Variants in PKHD1 observed in about 807,000 individuals in gnomAD.
PKHD1 encodes the protein PKHD1 ciliary IPT domain containing fibrocystin/polyductin.
A neutral mutation model predicts 412.0 loss-of-function variants in PKHD1; 291 were observed. The observed-to-expected ratio is 0.71, with a 90% CI of 0.64 to 0.78. The LOEUF (loss-of-function observed/expected upper bound fraction) is 0.78. PKHD1 is among the 30% of genes least tolerant of loss of function. PKHD1 has a pLI of 0.00. For missense variants in PKHD1, 4,825 were observed against 4,950.7 expected (o/e 0.97, Z 0.76); for synonymous variants, 1,777 against 1,821.5 (o/e 0.98, Z 0.62).
chr6:51,943,497 G>A lies in PKHD1; in HGVS notation c.5909-9175C>T, dbSNP rs373680796. ...ATGCCCTGCTCTTGTTTACACTGCCGGTTTACACTGTTTCTCCAAGCCATC... is the reference window on the plus strand; with the variant it reads ...ATGCCCTGCTCTTGTTTACACTGCCAGTTTACACTGTTTCTCCAAGCCATC... On this transcript the variant is annotated intron_variant, in intron 36 of 66. Transcript: ENST00000371117. Among the ~76,000 whole-genome samples, 109 of 151,266 alleles carry A rather than the reference G, an allele frequency of 7.2e-4. 2 individuals are homozygous for A. Among genetic ancestry groups the A allele is most frequent in the African/African-American group, 2.4e-3 (101 of 41,358 alleles).
intron 35 of PKHD1, among the ~76,000 whole-genome samples, chr6:52,004,859 AT>A (rs1476503203): frequency 6.6e-6 from 1 of 152,164 alleles, no homozygotes; most frequent in Non-Finnish European, 1.5e-5. Flanking sequence ...CTTAGAGGCT[AT>A]GTTCACTTCA....
At chr6:51,727,080 T>A (rs1782669923) in intron 60 of PKHD1, among the ~76,000 whole-genome samples, 1 of 152,186 alleles carries the variant, frequency 6.6e-6, no homozygotes, top group Non-Finnish European at 1.5e-5. Context: ...AGTCAGGGAA[T>A]GCAGGCAGCC....
chr6:51,868,540 G>T (rs1403014217), intron 47 of PKHD1, among the ~76,000 whole-genome samples: 1 of 152,062 alleles, frequency 6.6e-6, no homozygotes, highest in African/African-American at 2.4e-5. Flanking sequence ...CCACAACAAA[G>T]AATTATCTCA....
At chr6:51,632,478 G>A in intron 65 of PKHD1, 87 bp downstream of exon 65, 1 of 1,159,266 alleles carries the variant, frequency 8.6e-7, no homozygotes, top group Non-Finnish European at 1.2e-6. Flanking sequence ...TTTGTCTTTG[G>A]GGAAAGAAAC....
chr6:52,080,129 C>T (rs564329987), intron 4 of PKHD1, 121 bp from the exon 5 acceptor site: 2 of 711,700 alleles, frequency 2.8e-6, no homozygotes, highest in East Asian at 5.3e-5. Flanking sequence ...CAAGGATTCC[C>T]AGCAGTCACC....
At chr6:51,756,120 G>C (rs58773465) in intron 55 of PKHD1, among the ~76,000 whole-genome samples, 2 of 152,000 alleles carry the variant, frequency 1.3e-5, no homozygotes, top group Non-Finnish European at 2.9e-5. Flanking sequence ...TCACATCTAC[G>C]TACCTAAGGT....
At chr6:52,012,406 CTGTTGCTCAAATT>C (rs1378933130) in intron 34 of PKHD1, among the ~76,000 whole-genome samples, 2 of 152,156 alleles carry the variant, frequency 1.3e-5, no homozygotes, top group African/African-American at 4.8e-5. Context: ...TGGTTTAGAC[CTGTTGCTCAAATT>C]TGTTTTGAAT....
intron 8 of PKHD1, 77 bp from the exon 9 acceptor site, chr6:52,071,147 T>C: frequency 9.2e-7 from 1 of 1,090,562 alleles, no homozygotes; most frequent in Non-Finnish European, 1.4e-6. Flanking sequence ...ACCAGGAAAG[T>C]AGAAAGCAAA....
At chr6:52,065,900 C>T (rs1362490406) in intron 12 of PKHD1, 76 bp downstream of exon 12, 1 of 802,460 alleles carries the variant, frequency 1.2e-6, no homozygotes. Flanking sequence ...TCCTGCATCC[C>T]TCATGCCATA....
chr6:51,662,176 C>T (rs1772970241), intron 60 of PKHD1, among the ~76,000 whole-genome samples: 2 of 151,636 alleles, frequency 1.3e-5, no homozygotes, highest in African/African-American at 2.4e-5. Context: ...GTGTTAAATG[C>T]TCATATAAGC....
chr6:51,959,682 C>T (rs1479616923), intron 36 of PKHD1, among the ~76,000 whole-genome samples, 188 bp downstream of exon 36: 1 of 152,062 alleles, frequency 6.6e-6, no homozygotes, highest in Non-Finnish European at 1.5e-5. Context: ...TATAATGAGT[C>T]CAAAGAAAGG....
At chr6:52,036,801 T>C (rs554354924) in intron 27 of PKHD1, among the ~76,000 whole-genome samples, 5 of 152,238 alleles carry the variant, frequency 3.3e-5, no homozygotes, top group African/African-American at 9.6e-5. Flanking sequence ...AATGGATGGA[T>C]TAAAACTTAC....
chr6:51,673,436 C>G (rs1236664219), intron 60 of PKHD1, among the ~76,000 whole-genome samples: 3 of 152,220 alleles, frequency 2.0e-5, no homozygotes, highest in African/African-American at 7.2e-5. Context: ...GCCTTTGCAT[C>G]TCTACCAAAT....
intron 35 of PKHD1, among the ~76,000 whole-genome samples, chr6:51,980,745 A>G (rs781114686): frequency 2.0e-5 from 3 of 152,262 alleles, no homozygotes; most frequent in Non-Finnish European, 4.4e-5. Context: ...TTGCAGAAAT[A>G]TCTCATTACT....
At chr6:51,855,264 C>T (rs113995799) in intron 49 of PKHD1, among the ~76,000 whole-genome samples, 1 of 152,312 alleles carries the variant, frequency 6.6e-6, no homozygotes, top group East Asian at 1.9e-4. Context: ...ATAAGAGAAC[C>T]TGGATACCTT....
At chr6:51,775,171 C>G (rs1196397516) in intron 54 of PKHD1, among the ~76,000 whole-genome samples, 1 of 151,042 alleles carries the variant, frequency 6.6e-6, no homozygotes, top group Admixed American at 6.6e-5. Flanking sequence ...GAAAAATAAC[C>G]AAAAAAATGA....
At chr6:52,014,796 G>A (rs1800315692) in intron 34 of PKHD1, among the ~76,000 whole-genome samples, 1 of 143,354 alleles carries the variant, frequency 7.0e-6, no homozygotes, top group Admixed American at 6.8e-5. Flanking sequence ...GATCATGGAT[G>A]GATGGATGGA....
intron 51 of PKHD1, among the ~76,000 whole-genome samples, chr6:51,835,931 G>A (rs1376718484): frequency 6.6e-6 from 1 of 152,202 alleles, no homozygotes; most frequent in Non-Finnish European, 1.5e-5. Flanking sequence ...ACATCAGAAG[G>A]TGCTTAGGAG....
intron 36 of PKHD1, among the ~76,000 whole-genome samples, chr6:51,937,361 G>A (rs778162733): frequency 2.0e-5 from 3 of 152,080 alleles, no homozygotes; most frequent in African/African-American, 4.8e-5. Context: ...ATGTACTTAC[G>A]ACCTCTTAAG....
Sources: allele counts gnomAD v4.1 joint callset (sites outside exome capture counted in the v4.1 genomes callset), GRCh38; gene constraint gnomAD v4.1.1; transcripts MANE v1.5; gene names NCBI Gene and HGNC (gene_info 2026-07-23, HGNC 2026-07-21).